Variants in XRN1 observed in about 807,000 individuals in gnomAD.
XRN1 encodes strand-exchange protein 1 homolog.
XRN1 carries 67 observed loss-of-function variants against 222.3 expected under a neutral mutation model. The ratio of observed to expected loss-of-function variants is 0.30; its 90% CI spans 0.25 to 0.37. The LOEUF (loss-of-function observed/expected upper bound fraction) is 0.37. XRN1 is among the 10% of genes least tolerant of loss of function. The pLI is 1.00. For missense variants in XRN1, 1,707 were observed against 2,000.2 expected (o/e 0.85, Z 2.80); for synonymous variants, 643 against 652.4 (o/e 0.99, Z 0.22).
In XRN1 at chr3:142,357,135, A is replaced by C. The variant is rs768158448; in HGVS notation, c.3465-16T>G. ...AGGTGAGCATCTAAAAGTAAAAGTT[A>C]TATCAGGGTTGGAAGGAAAACAATA... is the stretch of plus-strand genomic sequence containing the variant. On this transcript the variant is annotated splice_polypyrimidine_tract_variant and intron_variant, in intron 30 of 40. Coordinates refer to ENST00000392981, the MANE Select transcript of XRN1 (RefSeq NM_001282857.2). 5.7e-6 allele frequency: 9 copies of C among 1,589,482 alleles called. No individual in the cohort carries two copies. Among genetic ancestry groups the C allele is most frequent in the Non-Finnish European group, 6.9e-6 (8 of 1,166,558 alleles).
chr3:142,417,167 T>C lies in XRN1; in HGVS notation c.1409A>G (p.Tyr470Cys), dbSNP rs1240239859. ...VQAIQWILHY[Y>C]YHGVQSWSWY... ...GCTCCAGGACTGAACTCCATGATAG[T>C]AATAGTGCAAAATCCACTGTATTGC... Residue 470 changes from tyrosine to cysteine, a missense_variant, in exon 13 of 41, where the codon TAC becomes TGC. By Grantham distance (194) the Tyr-to-Cys change is radical. Transcript: ENST00000392981. 1 of 1,613,734 alleles carries C rather than the reference T, an allele frequency of 6.2e-7. No homozygotes were observed. The highest frequency in any genetic ancestry group is 1.1e-5 in the South Asian group (1 of 91,032).
rs199920934 is a variant in XRN1, at chr3:142,365,387, T to A, written c.3205-21A>T. 40 of 1,499,978 alleles carry A rather than the reference T, an allele frequency of 2.7e-5. No individual in the cohort carries two copies. The Admixed American group carries it at 4.4e-4, about 16-fold the overall frequency. 92.9% of individuals were successfully genotyped at this position (1,499,978 alleles called of 1,614,324 possible). On this transcript the variant is annotated intron_variant, in intron 27 of 40. Coordinates refer to ENST00000392981, the MANE Select transcript of XRN1 (RefSeq NM_001282857.2). ...CTTTGCTGAGGAAAAAGAAAAATTG[T>A]TAAATATTTTTAAAATATAAAATTA...
chr3:142,315,220 C>T (rs2065180827), intron 39 of XRN1, among the ~76,000 whole-genome samples: 1 of 151,886 alleles, frequency 6.6e-6, no homozygotes, highest in Admixed American at 6.6e-5. Flanking sequence ...CAGGTATGAG[C>T]CACCACACTC....
chr3:142,334,057 A>G (rs1018382998), intron 34 of XRN1, among the ~76,000 whole-genome samples: 1 of 152,190 alleles, frequency 6.6e-6, no homozygotes, highest in Non-Finnish European at 1.5e-5. Context: ...TTCTAATTGT[A>G]TATCAGTATA....
chr3:142,432,688 AT>A lies in XRN1; in HGVS notation c.280del (p.Met94Ter). 6.2e-7 allele frequency: 1 copy of A among 1,609,218 alleles called. No individual in the cohort carries two copies. Among genetic ancestry groups the A allele is most frequent in the Non-Finnish European group, 8.5e-7 (1 of 1,177,330 alleles). Reference protein sequence around the residue: ...AVDGVAPRAKMNQQRGRRFRS... With the variant: ...AVDGVAPRAKXNQQRGRRFRS... ...AAAACGCCTCCCACGCTGCTGGTTC[AT>A]TTTTGCTCGAGGAGCCACACCATCT... On this transcript the variant is annotated frameshift_variant, in exon 2 of 41. Coordinates refer to ENST00000392981, the MANE Select transcript of XRN1 (RefSeq NM_001282857.2). LOFTEE classifies it high-confidence loss of function.
chr3:142,332,882 G>A, intron 35 of XRN1, 85 bp downstream of exon 35: 1 of 1,520,480 alleles, frequency 6.6e-7, no homozygotes, highest in Non-Finnish European at 8.8e-7. Context: ...CATGATGGAA[G>A]TGTTTGAACA....
Position 142,371,229 on chromosome 3 carries a change from T to C in XRN1, c.3068+10A>G, listed in dbSNP as rs747496244. The C allele has an allele frequency of 1.9e-6, 3 of 1,607,558 alleles. No homozygotes were observed. Among genetic ancestry groups the C allele is most frequent in the Non-Finnish European group, 2.6e-6 (3 of 1,175,582 alleles). On this transcript the variant is annotated intron_variant, in intron 26 of 40. Coordinates refer to ENST00000392981, the MANE Select transcript of XRN1 (RefSeq NM_001282857.2). ...ACTATGAGGTAATAAATATCATAAA[T>C]CTTGCTTACCCATTCTCATTTTCTC...
intron 11 of XRN1, 82 bp from the exon 12 acceptor site, chr3:142,418,691 C>A: frequency 7.1e-7 from 1 of 1,415,676 alleles, no homozygotes; most frequent in South Asian, 1.3e-5. Context: ...AAATGCATAT[C>A]CAAGTTGATG....
At chr3:142,438,725 C>T (rs775216529) in intron 1 of XRN1, among the ~76,000 whole-genome samples, 7 of 152,120 alleles carry the variant, frequency 4.6e-5, no homozygotes, top group Non-Finnish European at 1.0e-4. Flanking sequence ...AACCTGGCCT[C>T]GTGAGGGAAG....
At chr3:142,362,551 G>A (rs1169149037) in intron 29 of XRN1, among the ~76,000 whole-genome samples, 1 of 151,872 alleles carries the variant, frequency 6.6e-6, no homozygotes, top group Non-Finnish European at 1.5e-5. Context: ...GGGATTACAG[G>A]CATGAGTGCC....
At chr3:142,417,349 T>C in intron 12 of XRN1, 120 bp from the exon 13 acceptor site, 7 of 738,128 alleles carry the variant, frequency 9.5e-6, no homozygotes, top group Non-Finnish European at 4.4e-6. Context: ...ATGAATTAGC[T>C]ATTTATGGCT....
chr3:142,412,567 C>A lies in XRN1; in HGVS notation c.1690G>T (p.Val564Leu). The change falls in exon 15 of 41, where the codon GTG (valine) becomes TTG (leucine). Residue 564 changes from valine (V) to leucine (L), a missense_variant. Coordinates refer to ENST00000392981, the MANE Select transcript of XRN1 (RefSeq NM_001282857.2). ...NGKQQEWEAV[V>L]LIPFIDEKRL... ...ACCTCATCAATAAAAGGGATTAACA[C>A]CACAGCTTCCCATTCCTGTTGTTTC... 6.2e-7 allele frequency: 1 copy of A among 1,607,504 alleles called. No homozygotes were observed. Among genetic ancestry groups the A allele is most frequent in the South Asian group, 1.1e-5 (1 of 90,212 alleles).
chr3:142,407,963 C>G (rs2068411367), intron 15 of XRN1, among the ~76,000 whole-genome samples: 1 of 152,218 alleles, frequency 6.6e-6, no homozygotes, highest in African/African-American at 2.4e-5. Flanking sequence ...GCAGTATTCT[C>G]TTTTTCATTA....
rs2066985097 is a variant in XRN1 at position 142,371,282 on chromosome 3, C to T, written c.3025G>A (p.Val1009Met). Residue 1009 changes from valine (V) to methionine (M), a missense_variant, in exon 26 of 41, where the codon GTG (valine) becomes ATG (methionine). Transcript: ENST00000392981. ...GGCCAAATGTCATCTTCATAGAACACATCCTCTTGGCTATTTTTGGCTATA... is the reference window on the plus strand; with the variant it reads ...GGCCAAATGTCATCTTCATAGAACATATCCTCTTGGCTATTTTTGGCTATA... ...SYIAKNSQED[V>M]FYEDDIWPGE... is the part of the protein sequence containing the mutation. The T allele has an allele frequency of 1.9e-5, 30 of 1,613,504 alleles. No individual in the cohort carries two copies. Among genetic ancestry groups the T allele is most frequent in the Non-Finnish European group, 2.5e-5 (29 of 1,179,914 alleles).
chr3:142,395,672 C>T (rs1409989950), intron 20 of XRN1, among the ~76,000 whole-genome samples: 1 of 152,222 alleles, frequency 6.6e-6, no homozygotes, highest in Non-Finnish European at 1.5e-5. Flanking sequence ...TCAATCAATA[C>T]AGCTCTTGCT....
intron 33 of XRN1, among the ~76,000 whole-genome samples, chr3:142,345,126 G>A (rs190220899): frequency 6.6e-6 from 1 of 152,090 alleles, no homozygotes; most frequent in Non-Finnish European, 1.5e-5. Context: ...AAATGAGATG[G>A]TGTCTTAATA....
intron 2 of XRN1, among the ~76,000 whole-genome samples, chr3:142,430,701 G>C (rs2069483613): frequency 6.6e-6 from 1 of 151,950 alleles, no homozygotes; most frequent in Admixed American, 6.6e-5. Context: ...TCCTTTACTT[G>C]CCATTATGAT....
chr3:142,363,946 A>T (rs2066735248), intron 29 of XRN1, among the ~76,000 whole-genome samples: 1 of 152,208 alleles, frequency 6.6e-6, no homozygotes, highest in Non-Finnish European at 1.5e-5. Context: ...TAGGGAAGAA[A>T]ATTCTTTTAG....
chr3:142,389,986 C>T (rs1202141737), intron 20 of XRN1, among the ~76,000 whole-genome samples: 2 of 152,318 alleles, frequency 1.3e-5, no homozygotes, highest in African/African-American at 4.8e-5. Flanking sequence ...TGATCAGGTG[C>T]ACTGTCAATG....
Sources: gnomAD v4.1 joint callset for allele counts (sites outside exome capture counted in the v4.1 genomes callset) on GRCh38, gnomAD v4.1.1 for gene constraint, MANE v1.5 for transcripts, NCBI Gene and HGNC (gene_info 2026-07-23, HGNC 2026-07-21) for gene names.